Variants in PRKN observed in about 807,000 individuals in gnomAD.
PRKN encodes parkin RBR E3 ubiquitin protein ligase, also known as E3 ubiquitin-protein ligase parkin.
Under a neutral mutation model 59.5 loss-of-function variants are expected in PRKN, and 56 were observed. The ratio of observed to expected loss-of-function variants is 0.94; its 90% confidence interval spans 0.76 to 1.18. The LOEUF (loss-of-function observed/expected upper bound fraction) is 1.18, where lower values mean the gene tolerates loss of function less well. PRKN is among the 50% of genes most tolerant of loss of function. The pLI is 0.00. For synonymous variants in PRKN, 250 were observed against 222.1 expected (o/e 1.13, Z -1.12); for missense variants, 657 against 596.4 (o/e 1.10, Z -1.06).
intron 4 of PRKN, among the ~76,000 whole-genome samples, chr6:162,128,328 T>G (rs887825720): frequency 6.6e-6 from 1 of 152,214 alleles, no homozygotes; most frequent in African/African-American, 2.4e-5. Context: ...TTACCTGTTT[T>G]GCATATATTT....
chr6:162,345,268 G>A (rs1274758518), intron 2 of PRKN, among the ~76,000 whole-genome samples: 1 of 152,202 alleles, frequency 6.6e-6, no homozygotes, highest in Non-Finnish European at 1.5e-5. Context: ...TTAAGAATCA[G>A]GGCAGATGTT....
intron 3 of PRKN, among the ~76,000 whole-genome samples, chr6:162,248,691 A>T (rs1264178094): frequency 6.6e-6 from 1 of 152,204 alleles, no homozygotes; most frequent in East Asian, 1.9e-4. Flanking sequence ...TCATGAAACT[A>T]GCACCTAACC....
intron 7 of PRKN, among the ~76,000 whole-genome samples, chr6:161,604,511 C>T (rs1299899247): frequency 2.0e-5 from 3 of 152,152 alleles, no homozygotes; most frequent in Admixed American, 6.5e-5. Context: ...TGGCCAGAAT[C>T]GAAGTCAAAT....
intron 4 of PRKN, among the ~76,000 whole-genome samples, chr6:162,109,080 G>C (rs995455739): frequency 2.2e-4 from 33 of 152,148 alleles, no homozygotes; most frequent in African/African-American, 8.0e-4. Context: ...GAAATTTCTA[G>C]AAAAGGGTCA....
chr6:161,810,496 G>A (rs1283010381), intron 6 of PRKN, among the ~76,000 whole-genome samples: 1 of 152,146 alleles, frequency 6.6e-6, no homozygotes. Context: ...GAGATAAGAG[G>A]AGGTCCTAGA....
chr6:162,634,837 T>C (rs1011648976), intron 1 of PRKN, among the ~76,000 whole-genome samples: 15 of 152,318 alleles, frequency 9.8e-5, no homozygotes, highest in African/African-American at 3.6e-4. Context: ...TTGGCCAGCA[T>C]GGTCTCGATC....
intron 1 of PRKN, among the ~76,000 whole-genome samples, chr6:162,543,130 C>T (rs1253620901): frequency 6.6e-6 from 1 of 152,150 alleles, no homozygotes; most frequent in African/African-American, 2.4e-5. Flanking sequence ...TCCCTCTGAT[C>T]ACAATTTCCG....
intron 7 of PRKN, among the ~76,000 whole-genome samples, chr6:161,604,957 A>G (rs149523211): frequency 3.3e-5 from 5 of 152,280 alleles, no homozygotes; most frequent in South Asian, 2.1e-4. Context: ...AATCTGACAC[A>G]TTCTTAAGAG....
At chr6:161,437,696 T>C (rs979295324) in intron 9 of PRKN, among the ~76,000 whole-genome samples, 24 of 152,122 alleles carry the variant, frequency 1.6e-4, no homozygotes, top group African/African-American at 5.6e-4. Context: ...AATTCTGACA[T>C]CGTATATTAA....
intron 1 of PRKN, among the ~76,000 whole-genome samples, chr6:162,470,650 A>G (rs1364971625): frequency 6.6e-6 from 1 of 152,212 alleles, no homozygotes; most frequent in East Asian, 1.9e-4. Flanking sequence ...ATGAAACACA[A>G]GCATAAAACA....
intron 6 of PRKN, among the ~76,000 whole-genome samples, chr6:161,905,373 T>C (rs1778101812): frequency 6.6e-6 from 1 of 152,208 alleles, no homozygotes; most frequent in African/African-American, 2.4e-5. Flanking sequence ...AATTATTCCT[T>C]ACACTAACTT....
rs866337163 is a variant in PRKN at position 161,458,835 on chromosome 6, A to T, written c.1084-71958T>A. 6.6e-6 allele frequency among the ~76,000 whole-genome samples: 1 copy of T among 152,302 alleles called. No homozygotes were observed. Among genetic ancestry groups the T allele is most frequent in the Middle Eastern group, 3.4e-3 (1 of 294 alleles). On this transcript the variant is annotated intron_variant, in intron 9 of 11. Coordinates refer to ENST00000366898, the MANE Select transcript of PRKN (RefSeq NM_004562.3). The surrounding 1 kb of genome is among the most constrained non-coding windows in gnomAD (Gnocchi z 6.1). ...TGCCAGAAATTCGTAAATTTTTAGG[A>T]AAGTGAAGAGCATATGGTCACTATG...
intron 3 of PRKN, among the ~76,000 whole-genome samples, chr6:162,222,219 ATCC>A (rs1346877391): frequency 1.3e-5 from 2 of 152,088 alleles, no homozygotes; most frequent in African/African-American, 2.4e-5. Flanking sequence ...ATGATCAGAT[ATCC>A]TCCTATTAGG....
At chr6:161,556,149 T>TC (rs1238328044) in intron 8 of PRKN, among the ~76,000 whole-genome samples, 1 of 152,198 alleles carries the variant, frequency 6.6e-6, no homozygotes, top group African/African-American at 2.4e-5. Flanking sequence ...AAAAATTATG[T>TC]CCCCCTTTCC....
At chr6:162,443,218 A>T in intron 2 of PRKN, 92 bp downstream of exon 2, 2 of 1,299,618 alleles carry the variant, frequency 1.5e-6, no homozygotes, top group Non-Finnish European at 2.2e-6. Flanking sequence ...TTATTCTATT[A>T]GATCTCAGGC....
chr6:162,278,958 T>C (rs1243449743), intron 2 of PRKN, among the ~76,000 whole-genome samples: 1 of 151,692 alleles, frequency 6.6e-6, no homozygotes, highest in Non-Finnish European at 1.5e-5. Flanking sequence ...AAATAGATTT[T>C]TTTAAAAAAT....
chr6:161,653,957 T>A (rs1784243737), intron 7 of PRKN, among the ~76,000 whole-genome samples: 1 of 152,116 alleles, frequency 6.6e-6, no homozygotes, highest in Non-Finnish European at 1.5e-5. Flanking sequence ...ATTAAACATT[T>A]GGGATCTGAT....
At chr6:162,036,275 G>T (rs550279060) in intron 5 of PRKN, among the ~76,000 whole-genome samples, 14 of 151,920 alleles carry the variant, frequency 9.2e-5, no homozygotes, top group African/African-American at 3.1e-4. Flanking sequence ...AGTGAGCCGA[G>T]ATCACGCCAC....
At position 161,404,772 on chromosome 6, in the gene PRKN, T is replaced by C. The variant is rs539509430; in HGVS notation, c.1084-17895A>G. Among the ~76,000 whole-genome samples, 5 of 152,322 alleles carry C rather than the reference T, an allele frequency of 3.3e-5. No homozygotes were observed. The East Asian group carries it at 5.8e-4, about 18-fold the overall frequency. The stretch of plus-strand genomic sequence containing the variant: ...CATGGGAAGGCTCTGTTTCTAAGGA[T>C]TGAAATGCTTATTCAGATAAGTCAC... On this transcript the variant is annotated intron_variant, in intron 9 of 11. Transcript: ENST00000366898.
Sources: allele counts gnomAD v4.1 joint callset (sites outside exome capture counted in the v4.1 genomes callset), GRCh38; gene constraint gnomAD v4.1.1; non-coding constraint Gnocchi (gnomAD v3.1); transcripts MANE v1.5; gene names NCBI Gene and HGNC (gene_info 2026-07-23, HGNC 2026-07-21).